PRR5L: variants seen among roughly 807,000 people sequenced by gnomAD.
PRR5L encodes proline rich 5 like, also known as proline-rich protein 5-like.
A neutral mutation model predicts 36.4 loss-of-function variants in PRR5L; 21 were observed. The ratio of observed to expected loss-of-function variants is 0.58; its 90% CI spans 0.41 to 0.83. PRR5L has a LOEUF of 0.83. Among genes scored for constraint, PRR5L ranks in the 40% least tolerant of loss-of-function variants. The pLI is 0.00. For missense variants in PRR5L, 381 were observed against 473.3 expected (o/e 0.80, Z 1.81); for synonymous variants, 188 against 197.0 (o/e 0.95, Z 0.38).
intron 1 of PRR5L, chr11:36,396,327 A>T: frequency 6.6e-6 from 1 of 152,298 alleles, no homozygotes; most frequent in Non-Finnish European, 1.5e-5. Context: ...CACCATGTGT[A>T]GAAAAACACT....
At chr11:36,331,429 A>G (rs1856717628) in intron 1 of PRR5L, among the ~76,000 whole-genome samples, 1 of 152,220 alleles carries the variant, frequency 6.6e-6, no homozygotes, top group African/African-American at 2.4e-5. Flanking sequence ...ATCATAGGTC[A>G]TTTAGAAAAA....
chr11:36,348,835 G>A (rs1165995561), intron 1 of PRR5L, among the ~76,000 whole-genome samples: 2 of 152,152 alleles, frequency 1.3e-5, no homozygotes. Flanking sequence ...CTGATGAGCA[G>A]TGGAGTTCAG....
rs146938209 is a variant in PRR5L at position 36,431,881 on chromosome 11, T to G, written c.323T>G (p.Phe108Cys). ...QNQLLAKGLF[F>C]VEEKIKLCEG... ...CAGCTTCTTGCAAAAGGACTGTTCT[T>G]TGTGGAGGAGAAGATCAAGCTGTGT... The change falls in exon 5 of 9, where the codon TTT becomes TGT. Residue 108 changes from phenylalanine (F) to cysteine (C), a missense_variant. By Grantham distance (205) the Phe-to-Cys change is radical. Transcript: ENST00000530639. 3.7e-6 allele frequency: 6 copies of G among 1,613,994 alleles called. No individual in the cohort carries two copies. Among genetic ancestry groups the G allele is most frequent in the Non-Finnish European group, 8.5e-7 (1 of 1,180,002 alleles).
At chr11:36,458,146 A>G (rs1048490007) in intron 8 of PRR5L, among the ~76,000 whole-genome samples, 9 of 152,212 alleles carry the variant, frequency 5.9e-5, no homozygotes, top group African/African-American at 1.9e-4. Flanking sequence ...ATCTCCAAAG[A>G]GGGGCGCCAG....
chr11:36,399,552 C>T (rs1857745535), intron 1 of PRR5L, among the ~76,000 whole-genome samples: 2 of 152,178 alleles, frequency 1.3e-5, no homozygotes, highest in Non-Finnish European at 2.9e-5. Flanking sequence ...AATCTTCTCC[C>T]CTGGCAACCT....
intron 1 of PRR5L, among the ~76,000 whole-genome samples, chr11:36,299,313 A>T (rs1377099333): frequency 6.6e-6 from 1 of 152,122 alleles, no homozygotes; most frequent in East Asian, 1.9e-4. Context: ...GTGACAGTCA[A>T]CCTCCAGGGA....
chr11:36,418,893 A>G (rs1858205270), intron 3 of PRR5L, among the ~76,000 whole-genome samples: 2 of 152,184 alleles, frequency 1.3e-5, no homozygotes, highest in Admixed American at 1.3e-4. Context: ...TTTAAACTAT[A>G]AAGTGCTCTG....
At chr11:36,333,891 A>G (rs1856743335) in intron 1 of PRR5L, among the ~76,000 whole-genome samples, 1 of 152,196 alleles carries the variant, frequency 6.6e-6, no homozygotes, top group African/African-American at 2.4e-5. Flanking sequence ...AAGTGTATGT[A>G]GATTATAGCT....
intron 1 of PRR5L, among the ~76,000 whole-genome samples, chr11:36,371,823 C>A (rs1352905224): frequency 6.6e-6 from 1 of 152,086 alleles, no homozygotes; most frequent in East Asian, 1.9e-4. Flanking sequence ...CTTTGGGAGG[C>A]AGAGGTGGGC....
chr11:36,419,151 A>T (rs961999580), intron 3 of PRR5L, 104 bp from the exon 4 acceptor site: 14 of 984,574 alleles, frequency 1.4e-5, no homozygotes, highest in Non-Finnish European at 1.8e-5. Context: ...TGCCCTCAAG[A>T]TCTCAGACCT....
chr11:36,332,968 A>G (rs915980160), intron 1 of PRR5L, among the ~76,000 whole-genome samples: 7 of 151,798 alleles, frequency 4.6e-5, no homozygotes, highest in African/African-American at 9.7e-5. Context: ...GGACTAATAA[A>G]CCATTCATTT....
chr11:36,325,425 A>G (rs1360356307), intron 1 of PRR5L, among the ~76,000 whole-genome samples: 1 of 152,242 alleles, frequency 6.6e-6, no homozygotes, highest in Non-Finnish European at 1.5e-5. Context: ...CATGGACCAG[A>G]AGACAGTGCA....
intron 1 of PRR5L, chr11:36,398,847 G>A (rs951905320): frequency 1.3e-5 from 2 of 152,200 alleles, no homozygotes; most frequent in African/African-American, 2.4e-5. Context: ...CACCTGGAAC[G>A]ATCCATTCTG....
chr11:36,407,423 T>G (rs1453686216), intron 3 of PRR5L, among the ~76,000 whole-genome samples: 1 of 152,144 alleles, frequency 6.6e-6, no homozygotes, highest in African/African-American at 2.4e-5. Context: ...CTCCAGCAGT[T>G]TGGATGAGGT....
intron 6 of PRR5L, among the ~76,000 whole-genome samples, chr11:36,440,728 C>A (rs569357148): frequency 6.6e-6 from 1 of 152,286 alleles, no homozygotes; most frequent in African/African-American, 2.4e-5. Context: ...TTGTTTGGCT[C>A]ATGGTTCTGT....
chr11:36,397,266 G>C (rs112121324), intron 1 of PRR5L, among the ~76,000 whole-genome samples: 1 of 150,816 alleles, frequency 6.6e-6, no homozygotes, highest in Non-Finnish European at 1.5e-5. Flanking sequence ...GGGTTTCACC[G>C]TGTTGGTCAG....
intron 1 of PRR5L, among the ~76,000 whole-genome samples, chr11:36,383,143 T>TG (rs1169122967): frequency 6.6e-6 from 1 of 152,218 alleles, no homozygotes; most frequent in Non-Finnish European, 1.5e-5. Flanking sequence ...CTAGGATTGT[T>TG]GGGGGCCAAG....
In PRR5L at chr11:36,462,501, C is replaced by A; in HGVS notation, c.872C>A (p.Thr291Lys). 6.2e-7 allele frequency: 1 copy of A among 1,608,232 alleles called. No individual in the cohort carries two copies. Among genetic ancestry groups the A allele is most frequent in the South Asian group, 1.1e-5 (1 of 90,082 alleles). The change falls in exon 9 of 9, where the codon ACG (threonine) becomes AAG (lysine). Residue 291 changes from threonine to lysine, a missense_variant. Thr to Lys is a moderately conservative substitution (Grantham distance 78). Transcript: ENST00000530639. The part of the protein sequence containing the change: ...LEKCGSVRRH[T>K]VANAHSDIQL... Reference sequence around the variant, plus strand: ...AAGTGTGGCAGCGTGCGGCGGCACACGGTGGCCAATGCCCACTCGGACATC... The same window carrying A: ...AAGTGTGGCAGCGTGCGGCGGCACAAGGTGGCCAATGCCCACTCGGACATC...
In PRR5L at chr11:36,429,010, C is replaced by A. The variant is rs559235399; in HGVS notation, c.295-2843C>A. 2.7e-4 allele frequency among the ~76,000 whole-genome samples: 41 copies of A among 152,132 alleles called. No homozygotes were observed. In the South Asian group the frequency reaches 6.7e-3, roughly 25 times the overall value. Reference sequence around the variant, plus strand: ...TAAAAGAGTATTTTCTTTATCATTTCTCCATAATATAGGAATAATTACTTT... The same window carrying A: ...TAAAAGAGTATTTTCTTTATCATTTATCCATAATATAGGAATAATTACTTT... On this transcript the variant is annotated intron_variant, in intron 4 of 8. Coordinates refer to ENST00000530639, the MANE Select transcript of PRR5L (RefSeq NM_001160167.2).
Sources: gnomAD v4.1 joint callset for allele counts (sites outside exome capture counted in the v4.1 genomes callset) on GRCh38, gnomAD v4.1.1 for gene constraint, MANE v1.5 for transcripts, NCBI Gene and HGNC (gene_info 2026-07-23, HGNC 2026-07-21) for gene names.